GRIN2A: variants seen among roughly 807,000 people sequenced by gnomAD.
GRIN2A encodes glutamate receptor ionotropic, NMDA 2A.
A neutral mutation model predicts 113.4 loss-of-function variants in GRIN2A; 22 were observed. That is an observed-to-expected ratio of 0.19 (90% CI 0.14 to 0.28). The LOEUF (loss-of-function observed/expected upper bound fraction) is 0.28, where lower values mean the gene tolerates loss of function less well. Among genes scored for constraint, GRIN2A ranks in the 10% least tolerant of loss-of-function variants. GRIN2A has a pLI of 1.00. For synonymous variants in GRIN2A, 827 were observed against 738.4 expected (o/e 1.12, Z -1.94); for missense variants, 1,502 against 1,887.0 (o/e 0.80, Z 3.78).
chr16:9,950,755 G>A (rs543546496), intron 2 of GRIN2A, among the ~76,000 whole-genome samples: 14 of 152,284 alleles, frequency 9.2e-5, no homozygotes, highest in East Asian at 1.9e-4. Context: ...CAGGCTACCC[G>A]TGTTGCCTTG....
At chr16:9,769,201 A>G in intron 11 of GRIN2A, 112 bp from the exon 12 acceptor site, 1 of 846,406 alleles carries the variant, frequency 1.2e-6, no homozygotes, top group Non-Finnish European at 2.0e-6. Flanking sequence ...TAACCTTAAG[A>G]CAAGTTTCTG....
intron 3 of GRIN2A, among the ~76,000 whole-genome samples, chr16:9,917,462 C>G (rs2044274498): frequency 6.6e-6 from 1 of 152,222 alleles, no homozygotes; most frequent in African/African-American, 2.4e-5. Context: ...AGGCACTTGA[C>G]TTTCCTAAGC....
chr16:10,013,303 C>T (rs1419352774), intron 2 of GRIN2A, among the ~76,000 whole-genome samples: 2 of 152,202 alleles, frequency 1.3e-5, no homozygotes, highest in Non-Finnish European at 2.9e-5. Flanking sequence ...TCCTCTCCCA[C>T]GAAAGCCTTC....
intron 2 of GRIN2A, among the ~76,000 whole-genome samples, chr16:10,091,520 G>C (rs1217499712): frequency 6.6e-6 from 1 of 152,144 alleles, no homozygotes; most frequent in South Asian, 2.1e-4. Flanking sequence ...GGGTGTGGTA[G>C]TGTATACCTG....
chr16:9,904,767 A>G (rs983010368), intron 3 of GRIN2A, among the ~76,000 whole-genome samples: 2 of 152,210 alleles, frequency 1.3e-5, no homozygotes, highest in African/African-American at 2.4e-5. Flanking sequence ...CCACCTCCAG[A>G]TACCATCCCT....
chr16:10,128,893 C>T (rs2049002444), intron 2 of GRIN2A, among the ~76,000 whole-genome samples: 1 of 152,232 alleles, frequency 6.6e-6, no homozygotes, highest in South Asian at 2.1e-4. Flanking sequence ...GAAATTCTGG[C>T]TCCCAGCTAT....
chr16:9,936,613 T>C (rs767120903), intron 3 of GRIN2A, among the ~76,000 whole-genome samples: 1 of 152,140 alleles, frequency 6.6e-6, no homozygotes, highest in African/African-American at 2.4e-5. Flanking sequence ...CAAGGAACAA[T>C]GACACTTCTC....
rs58520106 is a variant in GRIN2A, at chr16:10,115,229, G to GTT, written c.414+64767_414+64768dup. On this transcript the variant is annotated intron_variant, in intron 2 of 12. Transcript: ENST00000330684. Reference sequence around the variant, plus strand: ...TTGACCACTCTTTTGCATGATCTAAGTTTTTTTTTTTCAGCTTACTTTGTA... The same window carrying GTT: ...TTGACCACTCTTTTGCATGATCTAAGTTTTTTTTTTTTTCAGCTTACTTTGTA... Among the ~76,000 whole-genome samples the GTT allele has an allele frequency of 1.5e-4, 23 of 149,414 alleles. No individual in the cohort carries two copies. The East Asian group carries it at 1.6e-3, about 10-fold the overall frequency.
chr16:9,773,023 T>G (rs1901375560), intron 11 of GRIN2A, among the ~76,000 whole-genome samples: 1 of 151,666 alleles, frequency 6.6e-6, no homozygotes, highest in Admixed American at 6.6e-5. Flanking sequence ...CTCGTGGCCC[T>G]CTTTGACTAG....
At chr16:10,050,023 T>G (rs2047330624) in intron 2 of GRIN2A, among the ~76,000 whole-genome samples, 1 of 152,220 alleles carries the variant, frequency 6.6e-6, no homozygotes, top group Non-Finnish European at 1.5e-5. Context: ...TAGATGTCTA[T>G]GTCCCGATAC....
chr16:9,789,832 G>A (rs996703427), intron 11 of GRIN2A, among the ~76,000 whole-genome samples: 17 of 152,164 alleles, frequency 1.1e-4, no homozygotes, highest in Non-Finnish European at 2.2e-4. Context: ...GTGGAGCAAC[G>A]CAGCTTTATT....
chr16:10,079,147 A>G (rs1234835374), intron 2 of GRIN2A, among the ~76,000 whole-genome samples: 1 of 152,238 alleles, frequency 6.6e-6, no homozygotes, highest in African/African-American at 2.4e-5. Context: ...CTTAGCACAA[A>G]TAAGATACAC....
intron 3 of GRIN2A, among the ~76,000 whole-genome samples, chr16:9,925,210 G>T (rs1355223515): frequency 6.6e-6 from 1 of 152,190 alleles, no homozygotes; most frequent in African/African-American, 2.4e-5. Context: ...TAGGCAGAGT[G>T]AGAGCAATTC....
intron 2 of GRIN2A, among the ~76,000 whole-genome samples, chr16:10,123,600 G>A (rs748764803): frequency 1.1e-4 from 16 of 151,886 alleles, no homozygotes; most frequent in Non-Finnish European, 1.8e-4. Context: ...TAACATGCAC[G>A]TGAATCGCCG....
chr16:9,968,406 CG>C (rs2045603979), intron 2 of GRIN2A, among the ~76,000 whole-genome samples: 1 of 152,100 alleles, frequency 6.6e-6, no homozygotes, highest in East Asian at 1.9e-4. Flanking sequence ...TTCCGCCTCC[CG>C]GGTTCAAGCA....
chr16:9,849,249 A>AAATAT (rs2042835708), intron 5 of GRIN2A, among the ~76,000 whole-genome samples: 1 of 145,824 alleles, frequency 6.9e-6, no homozygotes, highest in Non-Finnish European at 1.5e-5. Context: ...TAATATATTA[A>AAATAT]GATATGTTTT....
At chr16:10,162,663 C>T (rs2049828821) in intron 2 of GRIN2A, among the ~76,000 whole-genome samples, 1 of 152,168 alleles carries the variant, frequency 6.6e-6, no homozygotes, top group Non-Finnish European at 1.5e-5. Context: ...TATATGCCCT[C>T]ATTTTACCAT....
intron 2 of GRIN2A, among the ~76,000 whole-genome samples, chr16:9,967,481 G>T (rs1405979874): frequency 6.6e-6 from 1 of 152,226 alleles, no homozygotes; most frequent in African/African-American, 2.4e-5. Context: ...CAAGGCGGGT[G>T]GATCACTTGA....
chr16:9,974,903 T>C (rs549868158), intron 2 of GRIN2A, among the ~76,000 whole-genome samples: 1 of 152,328 alleles, frequency 6.6e-6, no homozygotes, highest in East Asian at 1.9e-4. Flanking sequence ...AGATTGAACA[T>C]CTTTGTCTTG....
Sources: allele counts gnomAD v4.1 joint callset (sites outside exome capture counted in the v4.1 genomes callset), GRCh38; gene constraint gnomAD v4.1.1; transcripts MANE v1.5; gene names NCBI Gene and HGNC (gene_info 2026-07-23, HGNC 2026-07-21).